Variants in STMND1 observed in about 807,000 individuals in gnomAD.
The protein encoded by STMND1 is stathmin domain-containing protein 1.
Under a neutral mutation model 23.0 loss-of-function variants are expected in STMND1, and 17 were observed. That is an observed-to-expected ratio of 0.74 (90% CI 0.51 to 1.11). The LOEUF (loss-of-function observed/expected upper bound fraction) is 1.11. Among genes scored for constraint, STMND1 ranks in the 50% least tolerant of loss-of-function variants. The pLI is 0.00. For missense variants in STMND1, 305 were observed against 329.1 expected (o/e 0.93, Z 0.57); for synonymous variants, 114 against 119.9 (o/e 0.95, Z 0.32).
chr6:17,130,337 C>A (rs761618129), intron 4 of STMND1, among the ~76,000 whole-genome samples: 33 of 152,136 alleles, frequency 2.2e-4, no homozygotes, highest in Non-Finnish European at 4.3e-4. Context: ...TTGGCCAGAC[C>A]CAGCCTTCAC....
In STMND1 at chr6:17,102,184, C is replaced by A; in HGVS notation, c.-74C>A. 1.2e-5 allele frequency: 17 copies of A among 1,406,998 alleles called. No individual in the cohort carries two copies. Among genetic ancestry groups the A allele is most frequent in the Non-Finnish European group, 1.5e-5 (16 of 1,085,976 alleles). The allele number at this position is 1,406,998 out of a possible 1,614,324, so 87.2% of individuals were successfully genotyped here. On this transcript the variant is annotated 5_prime_UTR_variant, in exon 1 of 5. Coordinates refer to ENST00000536551, the MANE Select transcript of STMND1 (RefSeq NM_001190766.2). ...GCGCAGGAGCGCGGGACCACCGGCG[C>A]CGGAGCGCGGCAGGGAGCGCTCGCG...
chr6:17,123,365 T>G (rs937760937), intron 3 of STMND1, among the ~76,000 whole-genome samples: 1 of 152,140 alleles, frequency 6.6e-6, no homozygotes, highest in Non-Finnish European at 1.5e-5. Context: ...CACAATTTTG[T>G]TTTTTTGGCT....
intron 1 of STMND1, 146 bp from the exon 2 acceptor site, chr6:17,114,816 G>A: frequency 4.9e-6 from 4 of 821,468 alleles, no homozygotes; most frequent in South Asian, 2.2e-5. Context: ...GGCCCAGGGG[G>A]TTGGGGACCC....
At chr6:17,117,988 A>G (rs1324872747) in intron 2 of STMND1, among the ~76,000 whole-genome samples, 1 of 152,090 alleles carries the variant, frequency 6.6e-6, no homozygotes, top group African/African-American at 2.4e-5. Context: ...TTTTAGCAAG[A>G]ATACCAAAAA....
At chr6:17,129,454 C>A (rs1761355905) in intron 4 of STMND1, among the ~76,000 whole-genome samples, 1 of 151,322 alleles carries the variant, frequency 6.6e-6, no homozygotes, top group Admixed American at 6.6e-5. Context: ...TCACTGCAAT[C>A]TTGAACTTTT....
In STMND1 at chr6:17,131,078, C is replaced by T. The variant is rs1024627463; in HGVS notation, c.*197C>T. 5 of 501,626 alleles carry T rather than the reference C, an allele frequency of 1.0e-5. No individual in the cohort carries two copies. The highest frequency in any genetic ancestry group is 3.1e-5 in the East Asian group (1 of 32,268). 31.1% of individuals were successfully genotyped at this position (501,626 alleles called of 1,614,324 possible). On this transcript the variant is annotated 3_prime_UTR_variant, in exon 5 of 5. Coordinates refer to ENST00000536551, the MANE Select transcript of STMND1 (RefSeq NM_001190766.2). The stretch of plus-strand genomic sequence containing the variant: ...GCTATGCTAGCTTTTAAAAAAAGAG[C>T]GAGGGGGAGACTTGACCAGCATAGA...
At chr6:17,102,900 G>T (rs969549732) in intron 1 of STMND1, among the ~76,000 whole-genome samples, 3 of 152,176 alleles carry the variant, frequency 2.0e-5, no homozygotes, top group Non-Finnish European at 2.9e-5. Flanking sequence ...AGCTAATTTG[G>T]GGGCACAGCG....
At position 17,130,625 on chromosome 6, in the gene STMND1, G is replaced by A. The variant is rs913947127; in HGVS notation, c.575G>A (p.Arg192Gln). The A allele has an allele frequency of 5.5e-5, 84 of 1,534,458 alleles. No individual in the cohort carries two copies. The highest frequency in any genetic ancestry group is 6.4e-5 in the Non-Finnish European group (73 of 1,146,150). The change falls in exon 5 of 5, where the codon CGG becomes CAG. Residue 192 changes from arginine to glutamine, a missense_variant. By Grantham distance (43) the Arg-to-Gln change is conservative. Transcript: ENST00000536551. ...GAAGAAGAAATAAGAAAAAGGCTAC[G>A]GAGTGACCGACTTTTGCCTTCAGCC... Reference protein sequence around the residue: ...TKEEEIRKRLRSDRLLPSANH... With the variant: ...TKEEEIRKRLQSDRLLPSANH...
chr6:17,114,086 G>A (rs1189112832), intron 1 of STMND1, among the ~76,000 whole-genome samples: 1 of 152,016 alleles, frequency 6.6e-6, no homozygotes, highest in Non-Finnish European at 1.5e-5. Context: ...TGACTCTACA[G>A]CATTACATCT....
At chr6:17,117,723 T>C (rs1761179570) in intron 2 of STMND1, among the ~76,000 whole-genome samples, 2 of 128,020 alleles carry the variant, frequency 1.6e-5, no homozygotes, top group Admixed American at 2.0e-4. Context: ...TCACCCAAGC[T>C]GGATTGCAGT....
At chr6:17,107,873 C>T (rs932213172) in intron 1 of STMND1, among the ~76,000 whole-genome samples, 3 of 152,214 alleles carry the variant, frequency 2.0e-5, no homozygotes, top group Non-Finnish European at 4.4e-5. Context: ...AGAATAAGAA[C>T]ACTGCTATAT....
intron 1 of STMND1, among the ~76,000 whole-genome samples, chr6:17,111,594 G>A (rs1403927704): frequency 2.6e-5 from 4 of 152,182 alleles, no homozygotes; most frequent in Admixed American, 6.5e-5. Context: ...GTAGACCTAT[G>A]TATGTTGACA....
rs550305540 is a variant in STMND1 at position 17,102,089 on chromosome 6, G to A, written c.-169G>A. 6.6e-6 allele frequency among the ~76,000 whole-genome samples: 1 copy of A among 152,338 alleles called. No homozygotes were observed. The highest frequency in any genetic ancestry group is 2.4e-5 in the African/African-American group (1 of 41,590). Reference sequence around the variant, plus strand: ...CCCAGAAACTCAGTGCGTCCTGCCCGGGGTTTAAGCGCGGGAAGTGGGAGA... The same window carrying A: ...CCCAGAAACTCAGTGCGTCCTGCCCAGGGTTTAAGCGCGGGAAGTGGGAGA... On this transcript the variant is annotated 5_prime_UTR_variant, in exon 1 of 5. Transcript: ENST00000536551.
At chr6:17,103,809 A>T (rs1760978426) in intron 1 of STMND1, among the ~76,000 whole-genome samples, 1 of 151,706 alleles carries the variant, frequency 6.6e-6, no homozygotes, top group African/African-American at 2.4e-5. Flanking sequence ...TGACCTCGTG[A>T]TCCACCCGCC....
intron 1 of STMND1, among the ~76,000 whole-genome samples, chr6:17,104,936 A>C (rs1402337466): frequency 6.6e-6 from 1 of 152,218 alleles, no homozygotes; most frequent in Non-Finnish European, 1.5e-5. Flanking sequence ...TGGGTTCCAC[A>C]TTCAGGGATA....
At chr6:17,108,783 G>A (rs1356699683) in intron 1 of STMND1, among the ~76,000 whole-genome samples, 2 of 146,550 alleles carry the variant, frequency 1.4e-5, no homozygotes, top group African/African-American at 2.5e-5. Context: ...TGCAACCTCC[G>A]CCTCTCGAGT....
At chr6:17,114,063 G>T (rs1051925509) in intron 1 of STMND1, among the ~76,000 whole-genome samples, 2 of 152,112 alleles carry the variant, frequency 1.3e-5, no homozygotes, top group African/African-American at 4.8e-5. Flanking sequence ...GGGTTGTGGG[G>T]ATGGTTTCAG....
chr6:17,110,775 T>TA, intron 1 of STMND1: 1 of 455,152 alleles, frequency 2.2e-6, no homozygotes. Flanking sequence ...CTCAAAAAAA[T>TA]AAAAAATAGA....
chr6:17,120,430 G>T (rs1345015358), intron 2 of STMND1, among the ~76,000 whole-genome samples, 177 bp from the exon 3 acceptor site: 1 of 152,064 alleles, frequency 6.6e-6, no homozygotes, highest in Non-Finnish European at 1.5e-5. Context: ...TCCTCTGTAA[G>T]AAAATGAATA....
Sources: gnomAD v4.1 joint callset for allele counts (sites outside exome capture counted in the v4.1 genomes callset) on GRCh38, gnomAD v4.1.1 for gene constraint, MANE v1.5 for transcripts, NCBI Gene and HGNC (gene_info 2026-07-23, HGNC 2026-07-21) for gene names.